CLTCL1: variants seen among roughly 807,000 people sequenced by gnomAD.
CLTCL1 encodes clathrin heavy chain like 1, also known as clathrin heavy chain 2.
Under a neutral mutation model 190.0 loss-of-function variants are expected in CLTCL1, and 159 were observed. That is an observed-to-expected ratio of 0.84 (90% confidence interval 0.74 to 0.95). CLTCL1 has a LOEUF of 0.95. Among genes scored for constraint, CLTCL1 ranks in the 40% least tolerant of loss-of-function variants. The pLI is 0.00. For missense variants in CLTCL1, 1,878 were observed against 2,033.4 expected (o/e 0.92, Z 1.47); for synonymous variants, 752 against 769.6 (o/e 0.98, Z 0.38).
chr22:19,283,854 T>C (rs1601742834), intron 1 of CLTCL1, among the ~76,000 whole-genome samples: 2 of 151,874 alleles, frequency 1.3e-5, no homozygotes, highest in South Asian at 4.2e-4. Context: ...TAGCTGAGCA[T>C]GGTGGCACAC....
In CLTCL1 at chr22:19,241,974, G is replaced by A. The variant is rs192182895; in HGVS notation, c.681+801C>T. On this transcript the variant is annotated intron_variant, in intron 4 of 32. Transcript: ENST00000427926. ...TTTTTTTTTTTGGAGATGGAGTCTCGCTCTGTCGCCCAGGCTGGAGTGCAG... is the reference window on the plus strand; with the variant it reads ...TTTTTTTTTTTGGAGATGGAGTCTCACTCTGTCGCCCAGGCTGGAGTGCAG... Among the ~76,000 whole-genome samples the A allele has an allele frequency of 4.7e-3, 673 of 142,436 alleles. 6 individuals are homozygous for A. Among genetic ancestry groups the A allele is most frequent in the South Asian group, 0.014 (64 of 4,538 alleles). 93.4% of individuals were successfully genotyped at this position (142,436 alleles called of 152,430 possible). A position where few individuals can be genotyped will look rare whatever the true frequency, so the allele number is the denominator to read the frequency against.
At chr22:19,257,631 G>T in intron 2 of CLTCL1, 1 of 426,832 alleles carries the variant, frequency 2.3e-6, no homozygotes, top group South Asian at 1.9e-5. Flanking sequence ...CGGCATCTAT[G>T]CAGATGTAAG....
chr22:19,213,797 C>T (rs1444997056), intron 19 of CLTCL1, among the ~76,000 whole-genome samples: 3 of 151,960 alleles, frequency 2.0e-5, no homozygotes, highest in Non-Finnish European at 2.9e-5. Context: ...ATAATATACA[C>T]GGTAGCTAGC....
intron 29 of CLTCL1, among the ~76,000 whole-genome samples, chr22:19,185,467 C>T (rs1555927889): frequency 1.3e-5 from 2 of 152,168 alleles, no homozygotes; most frequent in African/African-American, 2.4e-5. Flanking sequence ...GCTGGGACTA[C>T]AGGCTCCTGC....
rs782282368 is a variant in CLTCL1 at position 19,210,523 on chromosome 22, G to A, written c.3066-14C>T. On this transcript the variant is annotated splice_polypyrimidine_tract_variant and intron_variant, in intron 19 of 32. Transcript: ENST00000427926. Reference sequence around the variant, plus strand: ...TTCTGTAGATTCCTGAGGAGAGAGGGTGGTCAGCACGGCATCCCAGGAACG... The same window carrying A: ...TTCTGTAGATTCCTGAGGAGAGAGGATGGTCAGCACGGCATCCCAGGAACG... The A allele has an allele frequency of 7.5e-6, 12 of 1,606,304 alleles. No homozygotes were observed. The highest frequency in any genetic ancestry group is 1.0e-5 in the Non-Finnish European group (12 of 1,174,258).
At chr22:19,287,569 G>A (rs1285226774) in intron 1 of CLTCL1, among the ~76,000 whole-genome samples, 1 of 152,182 alleles carries the variant, frequency 6.6e-6, no homozygotes. Context: ...CATCCTTGGA[G>A]ATCATGTTGC....
chr22:19,290,669 T>C (rs1188248156), intron 1 of CLTCL1, among the ~76,000 whole-genome samples: 5 of 152,172 alleles, frequency 3.3e-5, no homozygotes, highest in Non-Finnish European at 7.3e-5. Flanking sequence ...CGTCTGCATC[T>C]AGGGCTAACA....
chr22:19,232,184 G>A lies in CLTCL1; in HGVS notation c.1644+292C>T, dbSNP rs565167309. Among the ~76,000 whole-genome samples, 11 of 152,152 alleles carry A rather than the reference G, an allele frequency of 7.2e-5. No individual in the cohort carries two copies. In the East Asian group the frequency reaches 9.7e-4, roughly 13 times the overall value. The stretch of plus-strand genomic sequence containing the variant: ...TGATGTAGTAACTGGGGTGGGCCAC[G>A]GGATGGAGGGCTGGAACCTAAATGA... On this transcript the variant is annotated intron_variant, in intron 10 of 32. Coordinates refer to ENST00000427926, the MANE Select transcript of CLTCL1 (RefSeq NM_007098.4).
intron 1 of CLTCL1, among the ~76,000 whole-genome samples, chr22:19,285,778 T>A (rs2146382285): frequency 6.6e-6 from 1 of 152,244 alleles, no homozygotes. Flanking sequence ...TGCAGAAAGA[T>A]TCCCCCTTAG....
At chr22:19,217,023 A>C (rs888617925) in intron 18 of CLTCL1, among the ~76,000 whole-genome samples, 10 of 152,216 alleles carry the variant, frequency 6.6e-5, no homozygotes, top group Non-Finnish European at 1.5e-4. Flanking sequence ...CAGCCCTCTG[A>C]CCATGAACTT....
chr22:19,248,427 C>A (rs573766673), intron 3 of CLTCL1, among the ~76,000 whole-genome samples: 4 of 152,268 alleles, frequency 2.6e-5, no homozygotes, highest in Admixed American at 2.6e-4. Flanking sequence ...AGATCAGACA[C>A]CCCTGGTTTA....
intron 1 of CLTCL1, among the ~76,000 whole-genome samples, chr22:19,280,247 G>C (rs1401328364): frequency 6.6e-6 from 1 of 152,024 alleles, no homozygotes; most frequent in Non-Finnish European, 1.5e-5. Context: ...CAATGCATAG[G>C]CCTTCTTTGG....
chr22:19,242,194 C>T (rs893968744), intron 4 of CLTCL1, among the ~76,000 whole-genome samples: 1 of 152,006 alleles, frequency 6.6e-6, no homozygotes, highest in Admixed American at 6.6e-5. Context: ...CCACCCACCT[C>T]GGCCTCCCAA....
At chr22:19,195,959 A>G (rs762527) in intron 26 of CLTCL1, among the ~76,000 whole-genome samples, 114,237 of 152,128 alleles carry the variant, frequency 0.75, 44,128 homozygotes, top group East Asian at 0.94. Context: ...GCCTGGCCAC[A>G]AGGGCGTGGT....
At chr22:19,204,966 C>T (rs1294966874) in intron 22 of CLTCL1, among the ~76,000 whole-genome samples, 3 of 152,166 alleles carry the variant, frequency 2.0e-5, no homozygotes, top group Non-Finnish European at 2.9e-5. Context: ...TGGCCCACAG[C>T]GCCTCTGACT....
intron 26 of CLTCL1, among the ~76,000 whole-genome samples, chr22:19,194,311 G>A (rs1297819387): frequency 2.0e-5 from 3 of 151,956 alleles, no homozygotes; most frequent in African/African-American, 7.3e-5. Context: ...GTAAAACCCT[G>A]TATCTATTAA....
chr22:19,251,095 C>T (rs183168152), intron 3 of CLTCL1, among the ~76,000 whole-genome samples: 17 of 152,114 alleles, frequency 1.1e-4, no homozygotes, highest in Admixed American at 8.5e-4. Context: ...ATTAAATCTT[C>T]GAGTCCATGA....
In CLTCL1 at chr22:19,180,737, C is replaced by G. The variant is rs1451933219; in HGVS notation, c.4897G>C (p.Val1633Leu). The change falls in exon 31 of 33, where the codon GTG becomes CTG. Residue 1633 changes from valine to leucine, a missense_variant. Transcript: ENST00000427926. ...EEHVTEPAPL[V>L]FDFDGHE ...GGCTACAGGTGCCACCTACCAAACACGAGAGGGGCAGGCTCTGTCACATGC... is the reference window on the plus strand; with the variant it reads ...GGCTACAGGTGCCACCTACCAAACAGGAGAGGGGCAGGCTCTGTCACATGC... 2 of 1,613,594 alleles carry G rather than the reference C, an allele frequency of 1.2e-6. No homozygotes were observed. Among genetic ancestry groups the G allele is most frequent in the Admixed American group, 3.3e-5 (2 of 60,000 alleles).
At chr22:19,196,221 C>A (rs782097067) in intron 26 of CLTCL1, 45 bp downstream of exon 26, 13 of 1,587,146 alleles carry the variant, frequency 8.2e-6, no homozygotes, top group Non-Finnish European at 1.7e-6. Context: ...CAGAATAGGG[C>A]CTGGCAGAGG....
Sources: allele counts gnomAD v4.1 joint callset (sites outside exome capture counted in the v4.1 genomes callset), GRCh38; gene constraint gnomAD v4.1.1; transcripts MANE v1.5; gene names NCBI Gene and HGNC (gene_info 2026-07-23, HGNC 2026-07-21).